Variants in PDE9A observed in about 807,000 individuals in gnomAD.
PDE9A encodes the protein phosphodiesterase 9A, also known as high affinity cGMP-specific 3',5'-cyclic phosphodiesterase 9A.
A neutral mutation model predicts 87.4 loss-of-function variants in PDE9A; 60 were observed. The ratio of observed to expected loss-of-function variants is 0.69; its 90% CI spans 0.56 to 0.85. PDE9A has a LOEUF of 0.85. Ranked by LOEUF, PDE9A falls within the 40% of genes least tolerant of loss-of-function variation. The pLI is 0.00. For synonymous variants in PDE9A, 272 were observed against 279.4 expected (o/e 0.97, Z 0.27); for missense variants, 665 against 779.0 (o/e 0.85, Z 1.74).
In PDE9A at chr21:42,765,385, T is replaced by C; in HGVS notation, c.1247T>C (p.Met416Thr). The part of the protein sequence containing the change: ...PDGFKQIRQG[M>T]ITLILATDMA... ...CGTTGTTCTCTCGCTATTTAGGGAA[T>C]GATCACATTAATCTTGGCCACTGAC... The change falls in exon 15 of 20, where the codon ATG becomes ACG. Residue 416 changes from methionine (M) to threonine (T), a missense_variant. By Grantham distance (81) the Met-to-Thr change is moderately conservative. Coordinates refer to ENST00000291539, the MANE Select transcript of PDE9A (RefSeq NM_002606.3). The C allele has an allele frequency of 6.3e-7, 1 of 1,582,250 alleles. No homozygotes were observed.
rs1262164195 is a variant in PDE9A, at chr21:42,722,561, C to T, written c.263-9209C>T. On this transcript the variant is annotated intron_variant, in intron 4 of 19. Coordinates refer to ENST00000291539, the MANE Select transcript of PDE9A (RefSeq NM_002606.3). The surrounding 1 kb of genome is among the most constrained non-coding windows in gnomAD (Gnocchi z 4.1). ...GGTCGGTGCTTGGGATGCTAGTGCC[C>T]AAGCTGATGTTCCTAGGTCACCTCC... Among the ~76,000 whole-genome samples the T allele has an allele frequency of 6.6e-6, 1 of 152,160 alleles. No homozygotes were observed. The highest frequency in any genetic ancestry group is 1.5e-5 in the Non-Finnish European group (1 of 68,028).
chr21:42,774,430 A>G (rs1007569256), intron 19 of PDE9A, among the ~76,000 whole-genome samples: 2 of 152,212 alleles, frequency 1.3e-5, no homozygotes, highest in Non-Finnish European at 2.9e-5. Context: ...TTAAACAGTC[A>G]AAGTGCTTGT....
intron 1 of PDE9A, among the ~76,000 whole-genome samples, chr21:42,656,849 C>G (rs2057109685): frequency 6.6e-6 from 1 of 152,188 alleles, no homozygotes; most frequent in South Asian, 2.1e-4. Context: ...CCTCTCATCT[C>G]GAGAACCTTG....
At chr21:42,672,729 C>T (rs947722565) in intron 1 of PDE9A, among the ~76,000 whole-genome samples, 5 of 152,334 alleles carry the variant, frequency 3.3e-5, no homozygotes, top group African/African-American at 9.6e-5. Flanking sequence ...GTTCATCCGA[C>T]GCGGTTGATC....
chr21:42,738,057 C>G (rs1321554026), intron 7 of PDE9A, among the ~76,000 whole-genome samples: 1 of 152,158 alleles, frequency 6.6e-6, no homozygotes, highest in Non-Finnish European at 1.5e-5. Context: ...GGAGGTGAAA[C>G]ATTAAAAAGA....
chr21:42,749,037 A>G (rs1042641880), intron 8 of PDE9A, among the ~76,000 whole-genome samples: 2 of 152,214 alleles, frequency 1.3e-5, no homozygotes, highest in Non-Finnish European at 2.9e-5. Flanking sequence ...GTCTTGGGAC[A>G]TTCAGGTGGC....
rs2051809216 is a variant in PDE9A at position 42,731,914 on chromosome 21, A to G, written c.407A>G (p.Gln136Arg). ...GTAGAGCCCAGGCCCAGAGAGCCCC[A>G]GGGCTGCTACCAGGAAGGCCAGCGC... ...GQVEPRPREP[Q>R]GCYQEGQRIP... The change falls in exon 5 of 20, where the codon CAG becomes CGG. Residue 136 changes from glutamine to arginine, a missense_variant. Transcript: ENST00000291539. 1.9e-6 allele frequency: 3 copies of G among 1,613,952 alleles called. No individual in the cohort carries two copies. The highest frequency in any genetic ancestry group is 2.2e-5 in the South Asian group (2 of 91,082).
At chr21:42,699,712 A>C (rs2048235934) in intron 4 of PDE9A, among the ~76,000 whole-genome samples, 2 of 148,994 alleles carry the variant, frequency 1.3e-5, no homozygotes, top group African/African-American at 4.9e-5. Context: ...TGCACCACCA[A>C]GCCTGGGTAA....
At chr21:42,766,663 C>A (rs2056432711) in intron 15 of PDE9A, among the ~76,000 whole-genome samples, 1 of 152,226 alleles carries the variant, frequency 6.6e-6, no homozygotes, top group Admixed American at 6.5e-5. Context: ...GCAAACCTCC[C>A]CAGGCCAGGG....
intron 19 of PDE9A, among the ~76,000 whole-genome samples, chr21:42,773,875 T>C (rs909842903): frequency 4.1e-5 from 6 of 148,042 alleles, no homozygotes; most frequent in East Asian, 2.1e-4. Flanking sequence ...GAGGCCAAGG[T>C]GGACGGATCA....
Position 42,760,378 on chromosome 21 carries a change from CT to C in PDE9A, c.949del (p.Cys317AlafsTer7). The C allele has an allele frequency of 1.2e-6, 2 of 1,610,290 alleles. No individual in the cohort carries two copies. The highest frequency in any genetic ancestry group is 1.7e-6 in the Non-Finnish European group (2 of 1,179,562). Reference sequence around the variant, plus strand: ...ACAACCCCTTCCACAACTTCCGGCACTGCTTCTGCGTGGCCCAGATGATGTA... The same window carrying C: ...ACAACCCCTTCCACAACTTCCGGCACGCTTCTGCGTGGCCCAGATGATGTA... ...RNNPFHNFRH[C>X]FCVAQMMYSM... is the part of the protein sequence containing the mutation. On this transcript the variant is annotated frameshift_variant, in exon 12 of 20. Coordinates refer to ENST00000291539, the MANE Select transcript of PDE9A (RefSeq NM_002606.3). LOFTEE classifies it high-confidence loss of function. The surrounding 1 kb of genome is among the most constrained non-coding windows in gnomAD (Gnocchi z 5.2).
rs575134231 is a variant in PDE9A, at chr21:42,661,818, G to C, written c.69+7935G>C. Among the ~76,000 whole-genome samples, 15 of 152,346 alleles carry C rather than the reference G, an allele frequency of 9.8e-5. No individual in the cohort carries two copies. In the East Asian group the frequency reaches 2.9e-3, roughly 29 times the overall value. On this transcript the variant is annotated intron_variant, in intron 1 of 19. Coordinates refer to ENST00000291539, the MANE Select transcript of PDE9A (RefSeq NM_002606.3). ...TGGCTGTGCTGCTTTGCGAAGCTGT[G>C]TGCATGTCTGTGGTGTAGCCTGTGT... is the stretch of plus-strand genomic sequence containing the variant.
In PDE9A at chr21:42,688,769, T is replaced by C. The variant is rs536201803; in HGVS notation, c.218+775T>C. 1.3e-4 allele frequency among the ~76,000 whole-genome samples: 20 copies of C among 152,322 alleles called. No homozygotes were observed. In the South Asian group the frequency reaches 3.9e-3, roughly 30 times the overall value. On this transcript the variant is annotated intron_variant, in intron 3 of 19. Transcript: ENST00000291539. The stretch of plus-strand genomic sequence containing the variant: ...CTCACTGTGCCTCCAAGGGACTCAG[T>C]AGATGCGATGGTACACTTGTCAATC...
intron 19 of PDE9A, among the ~76,000 whole-genome samples, chr21:42,774,215 C>T (rs1343498887): frequency 6.6e-6 from 1 of 152,200 alleles, no homozygotes; most frequent in Non-Finnish European, 1.5e-5. Context: ...GTGCATCAAG[C>T]ATGCAAGGCT....
At chr21:42,746,495 G>A (rs1171003836) in intron 8 of PDE9A, among the ~76,000 whole-genome samples, 4 of 152,134 alleles carry the variant, frequency 2.6e-5, no homozygotes, top group African/African-American at 4.8e-5. Context: ...GCTCCCATCC[G>A]TTCTGTCCAA....
chr21:42,765,519 G>A (rs774467902), intron 15 of PDE9A, 25 bp downstream of exon 15: 24 of 1,359,338 alleles, frequency 1.8e-5, no homozygotes, highest in Non-Finnish European at 2.5e-5. Context: ...CTGCCTGGGT[G>A]GGCAGCCAGG....
intron 2 of PDE9A, among the ~76,000 whole-genome samples, chr21:42,687,182 G>A (rs1379625914): frequency 6.6e-6 from 1 of 152,176 alleles, no homozygotes; most frequent in Non-Finnish European, 1.5e-5. Flanking sequence ...AGGTGGAGAA[G>A]GGCAATTGAA....
rs912392180 is a variant in PDE9A, at chr21:42,697,345, G to A, written c.219-1623G>A. The A allele has an allele frequency of 9.1e-6, 8 of 880,534 alleles. 1 individual carries two copies. The highest frequency in any genetic ancestry group is 5.4e-5 in the Admixed American group (3 of 55,472). 54.5% of individuals were successfully genotyped at this position (880,534 alleles called of 1,614,324 possible). ...CTGTAACCATCAAACCACATGTATT[G>A]CCCCCAGTTAATCACCATGAACAGC... On this transcript the variant is annotated intron_variant, in intron 3 of 19. Coordinates refer to ENST00000291539, the MANE Select transcript of PDE9A (RefSeq NM_002606.3).
chr21:42,711,088 CATTT>C (rs1406327920), intron 4 of PDE9A, among the ~76,000 whole-genome samples: 1 of 152,162 alleles, frequency 6.6e-6, no homozygotes, highest in Non-Finnish European at 1.5e-5. Context: ...GGATATAATT[CATTT>C]GTCAGATATA....
Sources: gnomAD v4.1 joint callset for allele counts (sites outside exome capture counted in the v4.1 genomes callset) on GRCh38, gnomAD v4.1.1 for gene constraint, Gnocchi (gnomAD v3.1) non-coding constraint, MANE v1.5 for transcripts, NCBI Gene and HGNC (gene_info 2026-07-23, HGNC 2026-07-21) for gene names.